ADCY1: variants seen among roughly 807,000 people sequenced by gnomAD.
ADCY1 encodes the protein adenylate cyclase type 1.
A neutral mutation model predicts 105.4 loss-of-function variants in ADCY1; 28 were observed. The observed-to-expected ratio is 0.27, with a 90% confidence interval of 0.20 to 0.36. The LOEUF is 0.36. Ranked by LOEUF, ADCY1 falls within the 10% of genes least tolerant of loss-of-function variation. The pLI, the probability that ADCY1 is intolerant of heterozygous loss-of-function variation, is 1.00. For missense variants in ADCY1, 977 were observed against 1,434.2 expected, an observed-to-expected ratio of 0.68 and a Z score of 5.15; for synonymous variants, 655 against 623.8, an observed-to-expected ratio of 1.05 and a Z score of -0.75.
intron 4 of ADCY1, among the ~76,000 whole-genome samples, chr7:45,633,309 T>C (rs1261024310): frequency 6.6e-6 from 1 of 152,246 alleles, no homozygotes; most frequent in Non-Finnish European, 1.5e-5. Flanking sequence ...ATTTGAACTG[T>C]GTGGATCCAC....
chr7:45,575,124 C>T lies in ADCY1; in HGVS notation c.581C>T (p.Ser194Leu), dbSNP rs1362302755. ...GGCTTTGGGCTCGTGGTGGCTGCGT[C>T]GCACTTGCTGGTCACAGCCACCTTG... ...AIGFGLVVAA[S>L]HLLVTATLVP... The change falls in exon 1 of 20, where the codon TCG (serine) becomes TTG (leucine). Residue 194 changes from serine (S) to leucine (L), a missense_variant. By Grantham distance (145) the Ser-to-Leu change is moderately radical (BLOSUM62 -2). Transcript: ENST00000297323. This position sits in a 1 kb window ranked among gnomAD's most constrained non-coding sequence, Gnocchi z 4.7. 2 of 1,611,896 alleles carry T rather than the reference C, an allele frequency of 1.2e-6. No individual in the cohort carries two copies. The highest frequency in any genetic ancestry group is 1.7e-6 in the Non-Finnish European group (2 of 1,179,722).
intron 1 of ADCY1, among the ~76,000 whole-genome samples, chr7:45,583,965 T>TTC (rs1562673134): frequency 6.8e-6 from 1 of 146,796 alleles, no homozygotes; most frequent in Admixed American, 6.8e-5. Context: ...TTTTTTTTTT[T>TTC]CAGACAAAGT....
At chr7:45,592,053 GT>G (rs202112937) in intron 1 of ADCY1, among the ~76,000 whole-genome samples, 296 of 141,520 alleles carry the variant, frequency 2.1e-3, no homozygotes, top group East Asian at 3.1e-3. Context: ...TTCGTTTTTT[GT>G]TTTTTTTTTT....
intron 17 of ADCY1, among the ~76,000 whole-genome samples, chr7:45,707,956 A>G (rs1333263852): frequency 6.6e-6 from 1 of 152,226 alleles, no homozygotes; most frequent in African/African-American, 2.4e-5. Context: ...ACACACATAC[A>G]TGACGATGTA....
At chr7:45,659,852 G>T (rs1377566984) in intron 6 of ADCY1, among the ~76,000 whole-genome samples, 190 bp from the exon 7 acceptor site, 1 of 152,104 alleles carries the variant, frequency 6.6e-6, no homozygotes, top group Non-Finnish European at 1.5e-5. Context: ...GTTCCTGATG[G>T]CCCTACTGTA....
chr7:45,648,616 G>T lies in ADCY1; in HGVS notation c.1021-54G>T, dbSNP rs534112934. The T allele has an allele frequency of 3.7e-6, 6 of 1,608,152 alleles. No individual in the cohort carries two copies. In the East Asian group the frequency reaches 1.1e-4, roughly 30 times the overall value. ...TAGAGGTGGTGGAGCCAGCAGTGGC[G>T]CTCACAGCCTCTGTAGCGCTGTCTC... On this transcript the variant is annotated intron_variant, in intron 4 of 19. Coordinates refer to ENST00000297323, the MANE Select transcript of ADCY1 (RefSeq NM_021116.4).
At chr7:45,593,320 C>T (rs746787923) in intron 2 of ADCY1, among the ~76,000 whole-genome samples, 1 of 152,182 alleles carries the variant, frequency 6.6e-6, no homozygotes, top group Non-Finnish European at 1.5e-5. Flanking sequence ...CCCCAGAGCA[C>T]GCTGGCACTT....
In ADCY1 at chr7:45,722,876, A is replaced by G. The variant is rs1318847483; in HGVS notation, c.*8881A>G. 1 of 152,658 alleles carries G rather than the reference A, an allele frequency of 6.6e-6. No individual in the cohort carries two copies. The highest frequency in any genetic ancestry group is 1.5e-5 in the Non-Finnish European group (1 of 68,044). The allele number at this position is 152,658 out of a possible 1,614,324, so 9.5% of individuals were successfully genotyped here. A position where few individuals can be genotyped will look rare whatever the true frequency, so the allele number is the denominator to read the frequency against. On this transcript the variant is annotated 3_prime_UTR_variant, in exon 20 of 20. Coordinates refer to ENST00000297323, the MANE Select transcript of ADCY1 (RefSeq NM_021116.4). ...TTCTCATGATAGATTTGTATGATCAATACGGGTCTATTTTTATGTCAACTG... is the reference window on the plus strand; with the variant it reads ...TTCTCATGATAGATTTGTATGATCAGTACGGGTCTATTTTTATGTCAACTG...
chr7:45,696,611 C>T (rs545985333), intron 14 of ADCY1, among the ~76,000 whole-genome samples: 4 of 152,242 alleles, frequency 2.6e-5, no homozygotes, highest in East Asian at 1.9e-4. Flanking sequence ...GCTGGCAACA[C>T]GTGCTCAGGG....
chr7:45,648,949 G>A, intron 5 of ADCY1, 152 bp downstream of exon 5: 1 of 917,560 alleles, frequency 1.1e-6, no homozygotes, highest in Non-Finnish European at 1.6e-6. Context: ...AATGATGCCA[G>A]CATTAGGAGG....
In ADCY1 at chr7:45,676,721, G is replaced by T. The variant is rs185957369; in HGVS notation, c.1606-1148G>T. On this transcript the variant is annotated intron_variant, in intron 8 of 19. Coordinates refer to ENST00000297323, the MANE Select transcript of ADCY1 (RefSeq NM_021116.4). ...ATGAGCATCTCCACTCCCTGTTCAG[G>T]TTTTTCTGACACTATGTCAGTGGGG... Among the ~76,000 whole-genome samples the T allele has an allele frequency of 4.9e-3, 751 of 152,142 alleles. 5 individuals carry two copies. Among genetic ancestry groups the T allele is most frequent in the Non-Finnish European group, 9.0e-3 (611 of 67,984 alleles).
chr7:45,660,825 T>G (rs1795078535), intron 7 of ADCY1, among the ~76,000 whole-genome samples: 1 of 115,416 alleles, frequency 8.7e-6, no homozygotes, highest in African/African-American at 3.5e-5. Context: ...AGGGCTCAGG[T>G]GAGGTGCAGG....
intron 17 of ADCY1, among the ~76,000 whole-genome samples, chr7:45,705,741 A>G (rs1042940148): frequency 6.6e-6 from 1 of 152,228 alleles, no homozygotes; most frequent in African/African-American, 2.4e-5. Flanking sequence ...CAGAAGGCAT[A>G]CAGACTGAGA....
At chr7:45,649,842 C>T (rs1361934954) in intron 5 of ADCY1, among the ~76,000 whole-genome samples, 1 of 152,226 alleles carries the variant, frequency 6.6e-6, no homozygotes, top group African/African-American at 2.4e-5. Context: ...ACCAAAGTCC[C>T]TGATGGTAGC....
At chr7:45,713,586 G>C in intron 19 of ADCY1, 107 bp from the exon 20 acceptor site, 1 of 667,284 alleles carries the variant, frequency 1.5e-6, no homozygotes, top group Non-Finnish European at 2.7e-6. Context: ...GCCAGGGTTG[G>C]GCAGTCAGGG....
At chr7:45,589,627 A>G (rs1792848763) in intron 1 of ADCY1, among the ~76,000 whole-genome samples, 1 of 151,334 alleles carries the variant, frequency 6.6e-6, no homozygotes, top group South Asian at 2.1e-4. Context: ...CAGTGGATGC[A>G]TTTGGTGGTT....
chr7:45,695,710 C>T (rs373526245), intron 14 of ADCY1, among the ~76,000 whole-genome samples: 35 of 152,354 alleles, frequency 2.3e-4, no homozygotes, highest in Middle Eastern at 3.4e-3. Flanking sequence ...AAGTTGCTTT[C>T]TGCCCACAGT....
chr7:45,671,345 A>T (rs1223808133), intron 8 of ADCY1, among the ~76,000 whole-genome samples: 5 of 152,200 alleles, frequency 3.3e-5, no homozygotes, highest in East Asian at 1.9e-4. Context: ...GTTGAAGGAC[A>T]TTTCTGTTTC....
chr7:45,682,555 G>T (rs1186543928), intron 11 of ADCY1, among the ~76,000 whole-genome samples: 5 of 152,166 alleles, frequency 3.3e-5, no homozygotes, highest in African/African-American at 9.7e-5. Context: ...GCACAATGTG[G>T]TCCACAAGGT....
Sources: gnomAD v4.1 joint callset for allele counts (sites outside exome capture counted in the v4.1 genomes callset) on GRCh38, gnomAD v4.1.1 for gene constraint, Gnocchi (gnomAD v3.1) non-coding constraint, MANE v1.5 for transcripts, NCBI Gene and HGNC (gene_info 2026-07-23, HGNC 2026-07-21) for gene names.